The following GRIPAP1 variants were observed in gnomAD, a reference collection of about 807,000 sequenced individuals.
GRIPAP1 encodes the protein GRIP1-associated protein 1.
GRIPAP1 carries 14 observed loss-of-function variants against 84.1 expected under a neutral mutation model. The ratio of observed to expected loss-of-function variants is 0.17; its 90% CI spans 0.11 to 0.26. The LOEUF (loss-of-function observed/expected upper bound fraction) is 0.26. Ranked by LOEUF, GRIPAP1 falls within the 10% of genes least tolerant of loss-of-function variation. GRIPAP1 has a pLI of 1.00. For missense variants in GRIPAP1, 518 were observed against 674.2 expected, an observed-to-expected ratio of 0.77 and a Z score of 2.57; for synonymous variants, 261 against 256.8, an observed-to-expected ratio of 1.02 and a Z score of -0.15.
intron 5 of GRIPAP1, among the ~76,000 whole-genome samples, chrX:48,996,589 G>A (rs1557066774): frequency 8.9e-6 from 1 of 112,587 alleles, no homozygotes; most frequent in East Asian, 2.8e-4. Flanking sequence ...GTTGCAGTGA[G>A]CTGAGATCAT....
At chrX:48,984,376 A>AT (rs2064474376) in intron 14 of GRIPAP1, among the ~76,000 whole-genome samples, 1 of 111,062 alleles carries the variant, frequency 9.0e-6, no homozygotes, top group Non-Finnish European at 1.9e-5. Context: ...CCATCCCTGA[A>AT]TAACCTACCT....
chrX:48,985,007 G>T (rs1390418438), intron 14 of GRIPAP1, among the ~76,000 whole-genome samples: 1 of 110,864 alleles, frequency 9.0e-6, no homozygotes. Context: ...AGGTGACAGA[G>T]CAAGACTCCA....
intron 21 of GRIPAP1, among the ~76,000 whole-genome samples, chrX:48,980,508 A>G (rs781968118): frequency 9.0e-6 from 1 of 110,819 alleles, no homozygotes; most frequent in Non-Finnish European, 1.9e-5. Context: ...TGTAGTACAT[A>G]CAGTGAGGAG....
intron 11 of GRIPAP1, 119 bp from the exon 12 acceptor site, chrX:48,988,317 A>T: frequency 2.0e-6 from 1 of 506,260 alleles, no homozygotes; most frequent in Non-Finnish European, 3.4e-6. Flanking sequence ...GTCTCAGACT[A>T]TCCAGCCAAC....
chrX:48,981,718 T>C (rs1557062264), intron 18 of GRIPAP1, 27 bp from the exon 19 acceptor site: 12 of 1,178,643 alleles, frequency 1.0e-5, no homozygotes, highest in Non-Finnish European at 1.4e-5. Flanking sequence ...AGCTTAGGCA[T>C]TGGCTTGGGA....
At chrX:48,999,113 C>T in intron 3 of GRIPAP1, 125 bp downstream of exon 3, 1 of 440,791 alleles carries the variant, frequency 2.3e-6, no homozygotes, top group Non-Finnish European at 3.9e-6. Context: ...CTTTAAATGA[C>T]TACGTGAAAA....
Position 48,978,313 on chromosome X carries a change from G to A in GRIPAP1, c.2053C>T (p.Pro685Ser), listed in dbSNP as rs782318274. Residue 685 changes from proline to serine, a missense_variant, in exon 22 of 26, where the codon CCA becomes TCA. By Grantham distance (74) the Pro-to-Ser change is moderately conservative (BLOSUM62 -1). Coordinates refer to ENST00000376423, the MANE Select transcript of GRIPAP1 (RefSeq NM_020137.5). ...ILREKESSAV[P>S]ARSLSSSPQA... ...TCTTCCTTTCCCCTTACCCTGGCTG[G>A]AACAGCCGAGCTCTCCTTTTCCCGC... 10 of 1,207,319 alleles carry A rather than the reference G, an allele frequency of 8.3e-6. No homozygotes were observed. The highest frequency in any genetic ancestry group is 1.1e-5 in the Non-Finnish European group (10 of 893,564).
chrX:48,987,628 A>G lies in GRIPAP1; in HGVS notation c.1041+157T>C, dbSNP rs781940583. Among the ~76,000 whole-genome samples, 8 of 105,987 alleles carry G rather than the reference A, an allele frequency of 7.5e-5. No individual in the cohort carries two copies. The South Asian group carries it at 3.4e-3, about 46-fold the overall frequency. 92.0% of individuals were successfully genotyped at this position (105,987 alleles called of 115,157 possible). On this transcript the variant is annotated intron_variant, in intron 13 of 25. Transcript: ENST00000376423. ...AAAAAAAAAGTAGGGATGGATGGCC[A>G]GAGAGAAGAGGGCTGGACGCCAACA...
At chrX:48,975,749 A>AG (rs2064418663) in intron 24 of GRIPAP1, 1 of 373,648 alleles carries the variant, frequency 2.7e-6, no homozygotes, top group Non-Finnish European at 4.6e-6. Context: ...GAGAGAGGAG[A>AG]GGAAGATGAG....
chrX:48,976,522 T>C (rs1486325467), intron 22 of GRIPAP1, among the ~76,000 whole-genome samples, 159 bp from the exon 23 acceptor site: 2 of 111,314 alleles, frequency 1.8e-5, no homozygotes, highest in African/African-American at 6.5e-5. Context: ...TCAGACTCTG[T>C]TTTCTCCTCT....
rs369496589 is a variant in GRIPAP1 at position 48,976,018 on chromosome X, C to T, written c.2278G>A (p.Asp760Asn). The T allele has an allele frequency of 8.3e-7, 1 of 1,207,413 alleles. No homozygotes were observed. The change falls in exon 24 of 26, where the codon GAT (aspartate) becomes AAT (asparagine). Residue 760 changes from aspartate to asparagine, a missense_variant and splice_region_variant. Asp to Asn is a conservative substitution (Grantham distance 23). This residue lies in a region of GRIPAP1 where 32 missense variants were observed against 82.4 expected (regional missense o/e 0.39). Transcript: ENST00000376423. The part of the protein sequence containing the change: ...IETYVMDSRI[D>N]VSVAAGHTDR... The stretch of plus-strand genomic sequence containing the variant: ...TGAGGGCCGGGGAGGGGACACTGAC[C>T]GATCCGGCTGTCCATGACGTAGGTC...
At position 48,983,779 on chromosome X, in the gene GRIPAP1, C is replaced by T. The variant is rs782238298; in HGVS notation, c.1268G>A (p.Arg423Gln). 45 of 1,146,622 alleles carry T rather than the reference C, an allele frequency of 3.9e-5. No homozygotes were observed. The highest frequency in any genetic ancestry group is 5.3e-5 in the Non-Finnish European group (44 of 838,089). The allele number at this position is 1,146,622 out of a possible 1,213,427, so 94.5% of individuals were successfully genotyped here. A position where few individuals can be genotyped will look rare whatever the true frequency, so the allele number is the denominator to read the frequency against. The change falls in exon 15 of 26, where the codon CGG becomes CAG. Residue 423 changes from arginine (R) to glutamine (Q), a missense_variant. By Grantham distance (43) the Arg-to-Gln change is conservative. This residue lies in a region of GRIPAP1 where 372 missense variants were observed against 458.1 expected (regional missense o/e 0.81). Transcript: ENST00000376423. ...TCAACCCTCATGTTCCCCTACCTTC[C>T]GAGCCTCCTGTAATTCCTGGGTCAA... ...EQLTQELQEA[R>Q]KSAEKRKAML...
chrX:48,992,128 C>T (rs1475558595), intron 6 of GRIPAP1, among the ~76,000 whole-genome samples: 1 of 111,693 alleles, frequency 9.0e-6, no homozygotes. Flanking sequence ...GCCTCAGCCT[C>T]CCAAGTAGCT....
At chrX:48,999,897 C>T (rs2064568113) in intron 1 of GRIPAP1, among the ~76,000 whole-genome samples, 1 of 111,121 alleles carries the variant, frequency 9.0e-6, no homozygotes. Context: ...GGGGTGTTGT[C>T]CATATTTCTG....
chrX:48,989,852 A>C lies in GRIPAP1; in HGVS notation c.753T>G (p.Thr251=). The C allele has an allele frequency of 2.5e-6, 3 of 1,210,099 alleles. No homozygotes were observed. The highest frequency in any genetic ancestry group is 3.4e-6 in the Non-Finnish European group (3 of 894,176). ...SFCRLQTEKE[T]LFNDSRNKIE... is the part of the protein sequence containing the mutation. Reference sequence around the variant, plus strand: ...GCAGTTACCTGCTGTCATTAAACAGAGTCTCCTTTTCTGTCTGCAGACGGC... The same window carrying C: ...GCAGTTACCTGCTGTCATTAAACAGCGTCTCCTTTTCTGTCTGCAGACGGC... The change falls in exon 10 of 26, where the codon ACT becomes ACG. Residue 251 remains threonine (T), a synonymous_variant. Coordinates refer to ENST00000376423, the MANE Select transcript of GRIPAP1 (RefSeq NM_020137.5).
Position 48,983,004 on chromosome X carries a change from A to G in GRIPAP1, c.1574T>C (p.Phe525Ser). The G allele has an allele frequency of 8.3e-7, 1 of 1,205,197 alleles. No individual in the cohort carries two copies. The highest frequency in any genetic ancestry group is 1.1e-6 in the Non-Finnish European group (1 of 889,131). ...VHSMDGAKGW[F>S]ERRLKEAEES... ...CTCGGCTTCCTTCAAGCGCCGTTCA[A>G]ACCAGCCCTTGGCTCCATCCATGGA... The change falls in exon 17 of 26, where the codon TTT becomes TCT. Residue 525 changes from phenylalanine (F) to serine (S), a missense_variant. By Grantham distance (155) the Phe-to-Ser change is radical. This residue lies in a region of GRIPAP1 where 372 missense variants were observed against 458.1 expected (regional missense o/e 0.81). Transcript: ENST00000376423.
chrX:49,001,238 G>A (rs1225611538), intron 1 of GRIPAP1, among the ~76,000 whole-genome samples: 1 of 110,040 alleles, frequency 9.1e-6, no homozygotes, highest in Admixed American at 9.6e-5. Context: ...TAATCAACTC[G>A]CCCTTCCATT....
At chrX:48,979,629 TAGAC>T (rs1198320585) in intron 21 of GRIPAP1, among the ~76,000 whole-genome samples, 1 of 107,830 alleles carries the variant, frequency 9.3e-6, no homozygotes, top group Non-Finnish European at 1.9e-5. Context: ...TATTATTTTT[TAGAC>T]AGAGTTTCAG....
chrX:49,000,364 C>CAAA (rs1156902802), intron 1 of GRIPAP1, among the ~76,000 whole-genome samples: 4 of 22,229 alleles, frequency 1.8e-4, no homozygotes, highest in East Asian at 2.1e-3. Context: ...GACTCTGTCT[C>CAAA]AAAAAAAAAA....
Sources: gnomAD v4.1 joint callset for allele counts (sites outside exome capture counted in the v4.1 genomes callset) on GRCh38, gnomAD v4.1.1 for gene constraint, gnomAD v4.1.1 regional missense constraint, MANE v1.5 for transcripts, NCBI Gene and HGNC (gene_info 2026-07-23, HGNC 2026-07-21) for gene names.